Variants in OTUD7A observed in about 807,000 individuals in gnomAD.
OTUD7A encodes the protein OTU deubiquitinase 7A.
In OTUD7A, 12 loss-of-function variants were observed where a neutral mutation model predicts 65.7. That is an observed-to-expected ratio of 0.18 (90% CI 0.12 to 0.30). OTUD7A has a LOEUF of 0.30. Among genes scored for constraint, OTUD7A ranks in the 10% least tolerant of loss-of-function variants. The pLI is 1.00. For missense variants in OTUD7A, 1,148 were observed against 1,304.8 expected, an observed-to-expected ratio of 0.88 and a Z score of 1.85; for synonymous variants, 641 against 586.3, an observed-to-expected ratio of 1.09 and a Z score of -1.35.
chr15:31,685,482 GA>G (rs565412347), intron 1 of OTUD7A, among the ~76,000 whole-genome samples: 8,692 of 140,340 alleles, frequency 0.062, 851 homozygotes, highest in African/African-American at 0.21. Context: ...TGTCTCTACT[GA>G]AAAAAAAAAA....
chr15:31,515,651 CTT>C (rs1379958659), intron 8 of OTUD7A, among the ~76,000 whole-genome samples: 3 of 124,584 alleles, frequency 2.4e-5, no homozygotes, highest in Non-Finnish European at 5.2e-5. Context: ...CCCTCTCTCT[CTT>C]CATCCATCCA....
Position 31,538,022 on chromosome 15 carries a change from C to A in OTUD7A, c.551-7214G>T, listed in dbSNP as rs193258357. On this transcript the variant is annotated intron_variant, in intron 5 of 12. Coordinates refer to ENST00000307050, the MANE Select transcript of OTUD7A (RefSeq NM_001382637.1). ...CCTCCTTGCCTGCCCCATGGGGCAA[C>A]GTGCAAATGTTCATACGTCCAAGAC... 2.0e-5 allele frequency among the ~76,000 whole-genome samples: 3 copies of A among 152,324 alleles called. No homozygotes were observed. The East Asian group carries it at 5.8e-4, about 29-fold the overall frequency.
At chr15:31,634,516 C>A (rs1891279492) in intron 3 of OTUD7A, among the ~76,000 whole-genome samples, 1 of 152,234 alleles carries the variant, frequency 6.6e-6, no homozygotes, top group Admixed American at 6.5e-5. Context: ...TGTTCTCCAC[C>A]CGTCTCCACC....
chr15:31,694,014 A>C (rs1348382248), intron 1 of OTUD7A, among the ~76,000 whole-genome samples: 2 of 152,212 alleles, frequency 1.3e-5, no homozygotes, highest in Non-Finnish European at 2.9e-5. Flanking sequence ...GGCACTGAGA[A>C]GGGCTCAAGA....
chr15:31,519,377 T>C (rs2041908311), intron 8 of OTUD7A, among the ~76,000 whole-genome samples: 2 of 152,280 alleles, frequency 1.3e-5, no homozygotes, highest in East Asian at 1.9e-4. Flanking sequence ...TGGTGTATTA[T>C]CTTTTCGATG....
intron 1 of OTUD7A, among the ~76,000 whole-genome samples, chr15:31,841,324 G>T (rs1897176917): frequency 6.6e-6 from 1 of 152,194 alleles, no homozygotes; most frequent in South Asian, 2.1e-4. Context: ...GTCAAACCAT[G>T]AACTGCCTCG....
rs373357304 is a variant in OTUD7A at position 31,623,608 on chromosome 15, T to C, written c.151+31488A>G. Among the ~76,000 whole-genome samples, 72 of 152,286 alleles carry C rather than the reference T, an allele frequency of 4.7e-4. No homozygotes were observed. In the South Asian group the frequency reaches 0.014, roughly 30 times the overall value. Reference sequence around the variant, plus strand: ...CCTGGTGTTCCATTTGCTAAGACCATTGGAAAAGCGCAGTATTAGGGTGGG... The same window carrying C: ...CCTGGTGTTCCATTTGCTAAGACCACTGGAAAAGCGCAGTATTAGGGTGGG... On this transcript the variant is annotated intron_variant, in intron 3 of 12. Transcript: ENST00000307050.
intron 1 of OTUD7A, among the ~76,000 whole-genome samples, chr15:31,681,920 T>C (rs1281581526): frequency 6.6e-6 from 1 of 151,872 alleles, no homozygotes; most frequent in Non-Finnish European, 1.5e-5. Flanking sequence ...AAAAAGCAAA[T>C]TAATGAGGCA....
At chr15:31,818,116 A>G (rs1896596331) in intron 1 of OTUD7A, among the ~76,000 whole-genome samples, 1 of 152,258 alleles carries the variant, frequency 6.6e-6, no homozygotes, top group Admixed American at 6.5e-5. Flanking sequence ...AGGGTGCATC[A>G]GACAATGAAT....
chr15:31,627,363 A>G (rs1158852540), intron 3 of OTUD7A, among the ~76,000 whole-genome samples: 3 of 150,838 alleles, frequency 2.0e-5, no homozygotes, highest in Non-Finnish European at 2.9e-5. Flanking sequence ...TCCTTGAGAT[A>G]GTTTGCTGAG....
intron 1 of OTUD7A, among the ~76,000 whole-genome samples, chr15:31,704,551 A>G (rs184376214): frequency 1.8e-3 from 276 of 150,558 alleles, no homozygotes; most frequent in African/African-American, 6.3e-3. Context: ...TGGACAAATC[A>G]TGGACTCTGC....
chr15:31,577,716 T>A (rs1255624305), intron 3 of OTUD7A, among the ~76,000 whole-genome samples: 2 of 151,926 alleles, frequency 1.3e-5, no homozygotes, highest in African/African-American at 4.8e-5. Flanking sequence ...TATATATATA[T>A]TTTACAGAAT....
intron 8 of OTUD7A, among the ~76,000 whole-genome samples, chr15:31,506,146 G>C (rs185927373): frequency 6.6e-6 from 1 of 151,804 alleles, no homozygotes; most frequent in Non-Finnish European, 1.5e-5. Context: ...AATTTTTGTA[G>C]TGCTTTTGTT....
chr15:31,651,585 ACACACACACAC>A (rs1891838408), intron 3 of OTUD7A, among the ~76,000 whole-genome samples: 1 of 67,780 alleles, frequency 1.5e-5, no homozygotes, highest in African/African-American at 1.5e-4. Flanking sequence ...ACACACACAC[ACACACACACAC>A]ACACACACAC....
At chr15:31,696,456 A>AGAT (rs1408284066) in intron 1 of OTUD7A, among the ~76,000 whole-genome samples, 2 of 120,106 alleles carry the variant, frequency 1.7e-5, no homozygotes, top group African/African-American at 5.9e-5. Context: ...CTCACCATCT[A>AGAT]GATGATGCCT....
chr15:31,861,802 G>A (rs527811723), intron 1 of OTUD7A, among the ~76,000 whole-genome samples: 1 of 152,310 alleles, frequency 6.6e-6, no homozygotes, highest in East Asian at 1.9e-4. Flanking sequence ...CAGACAACCA[G>A]AGAGTTTTCA....
chr15:31,621,478 T>C (rs1406572878), intron 3 of OTUD7A, among the ~76,000 whole-genome samples: 1 of 152,200 alleles, frequency 6.6e-6, no homozygotes, highest in Admixed American at 6.5e-5. Flanking sequence ...ATATTTAGGA[T>C]AGTTAGCTTT....
At chr15:31,786,541 A>C (rs995252209) in intron 1 of OTUD7A, among the ~76,000 whole-genome samples, 11 of 151,986 alleles carry the variant, frequency 7.2e-5, no homozygotes, top group African/African-American at 2.4e-4. Flanking sequence ...GTGACAGGTG[A>C]GGGGTGTGTG....
At chr15:31,654,717 G>A (rs1891937110) in intron 3 of OTUD7A, among the ~76,000 whole-genome samples, 1 of 152,170 alleles carries the variant, frequency 6.6e-6, no homozygotes, top group African/African-American at 2.4e-5. Flanking sequence ...GCAGCAAATG[G>A]TATCTACGTG....
Sources: allele counts gnomAD v4.1 joint callset (sites outside exome capture counted in the v4.1 genomes callset), GRCh38; gene constraint gnomAD v4.1.1; transcripts MANE v1.5; gene names NCBI Gene and HGNC (gene_info 2026-07-23, HGNC 2026-07-21).